Variants in ZNF469 observed in about 807,000 individuals in gnomAD.
ZNF469 encodes zinc finger protein 469.
Under a neutral mutation model 1.0 loss-of-function variants are expected in ZNF469, and 1 was observed. The observed-to-expected ratio is 1.00, with a 90% confidence interval of 0.35 to 4.73. The LOEUF is 4.73. Among genes scored for constraint, ZNF469 ranks in the 30% most tolerant of loss-of-function variants. The pLI is 0.16. For missense variants in ZNF469, 6,100 were observed against 5,356.3 expected (o/e 1.14, Z -4.33); for synonymous variants, 2,703 against 2,363.4 (o/e 1.14, Z -4.17).
chr16:88,430,139 G>A lies in ZNF469; in HGVS notation c.2669G>A (p.Gly890Glu), dbSNP rs779602484. ...GGACACCCCCTTAAGAGCAAGGCGG[G>A]GGTGACTCCAGAGAGCAAAGCTCCG... ...SSGHPLKSKAGVTPESKAPPP... is the reference protein window; with the variant it reads ...SSGHPLKSKAEVTPESKAPPP... Residue 890 changes from glycine (G) to glutamate (E), a missense_variant, in exon 3 of 3, where the codon GGG (glycine) becomes GAG (glutamate). By Grantham distance (98) the Gly-to-Glu change is moderately conservative. Coordinates refer to ENST00000565624, the MANE Select transcript of ZNF469 (RefSeq NM_001367624.2). 1.2e-5 allele frequency: 19 copies of A among 1,550,134 alleles called. No individual in the cohort carries two copies. The highest frequency in any genetic ancestry group is 1.7e-5 in the Non-Finnish European group (19 of 1,146,882).
the ZNF469 span, among the ~76,000 whole-genome samples, chr16:88,111,187 G>A: frequency 3.3e-5 from 5 of 152,238 alleles, no homozygotes; most frequent in African/African-American, 1.2e-4. Context: ...AGGCCAGCGT[G>A]AGGAAGGCCT....
At chr16:88,408,747 G>A (rs1017754007) in intron 1 of ZNF469, among the ~76,000 whole-genome samples, 1 of 151,700 alleles carries the variant, frequency 6.6e-6, no homozygotes, top group African/African-American at 2.4e-5. Context: ...CCTGGCCCCC[G>A]TCCCTGCAGA....
chr16:88,280,225 C>G, the ZNF469 span, among the ~76,000 whole-genome samples: 1 of 151,558 alleles, frequency 6.6e-6, no homozygotes, highest in Non-Finnish European at 1.5e-5. Flanking sequence ...ACGGTTAGTA[C>G]TGCACCACCC....
chr16:88,366,144 C>A, the ZNF469 span, among the ~76,000 whole-genome samples: 1 of 149,942 alleles, frequency 6.7e-6, no homozygotes, highest in African/African-American at 2.5e-5. Flanking sequence ...TCATCACCAT[C>A]ATCACCATCA....
the ZNF469 span, among the ~76,000 whole-genome samples, chr16:88,240,149 C>G: frequency 6.6e-6 from 1 of 151,844 alleles, no homozygotes; most frequent in African/African-American, 2.4e-5. Context: ...ATTCTCAAAG[C>G]CTGCTCTGTC....
intron 1 of ZNF469, among the ~76,000 whole-genome samples, chr16:88,394,123 G>C (rs371578852): frequency 2.2e-5 from 2 of 91,492 alleles, no homozygotes; most frequent in African/African-American, 6.8e-5. Flanking sequence ...TGAGAGGAGC[G>C]GGGTTTGACA....
At chr16:88,350,797 C>G in the ZNF469 span, among the ~76,000 whole-genome samples, 1 of 152,174 alleles carries the variant, frequency 6.6e-6, no homozygotes, top group Non-Finnish European at 1.5e-5. Context: ...GGCAGAGGAC[C>G]CTGAGCCCAG....
intron 1 of ZNF469, among the ~76,000 whole-genome samples, chr16:88,423,053 A>C (rs1445323499): frequency 1.3e-5 from 2 of 148,934 alleles, no homozygotes; most frequent in Non-Finnish European, 3.0e-5. Context: ...GGGTGGATGG[A>C]TGGGTAGATG....
chr16:88,298,302 C>T, the ZNF469 span, among the ~76,000 whole-genome samples: 2 of 152,136 alleles, frequency 1.3e-5, no homozygotes, highest in East Asian at 1.9e-4. Flanking sequence ...GAACATGCCT[C>T]GAGCGTGTTT....
At chr16:88,355,638 G>T in the ZNF469 span, among the ~76,000 whole-genome samples, 1 of 152,356 alleles carries the variant, frequency 6.6e-6, no homozygotes, top group East Asian at 1.9e-4. Context: ...TGCTCTGTGA[G>T]TGGACAGGTG....
the ZNF469 span, among the ~76,000 whole-genome samples, chr16:88,358,243 C>G: frequency 2.0e-5 from 3 of 152,210 alleles, no homozygotes; most frequent in Admixed American, 2.0e-4. Flanking sequence ...ACCCCCAGCG[C>G]CCAGGGGCTC....
the ZNF469 span, among the ~76,000 whole-genome samples, chr16:88,171,919 C>T: frequency 6.6e-6 from 1 of 152,126 alleles, no homozygotes; most frequent in Non-Finnish European, 1.5e-5. Context: ...GGGGATTTAC[C>T]CTCCTGCTGC....
chr16:88,127,389 C>T, the ZNF469 span, among the ~76,000 whole-genome samples: 3 of 152,228 alleles, frequency 2.0e-5, no homozygotes, highest in Non-Finnish European at 4.4e-5. Context: ...AGAATATTAT[C>T]GCCTTGATTT....
At position 88,431,440 on chromosome 16, in the gene ZNF469, C is replaced by T; in HGVS notation, c.3970C>T (p.Pro1324Ser). 6.5e-7 allele frequency: 1 copy of T among 1,550,368 alleles called. No homozygotes were observed. Among genetic ancestry groups the T allele is most frequent in the Non-Finnish European group, 8.7e-7 (1 of 1,146,978 alleles). Residue 1324 changes from proline (P) to serine (S), a missense_variant, in exon 3 of 3, where the codon CCT (proline) becomes TCT (serine). Pro to Ser is a moderately conservative substitution (Grantham distance 74, BLOSUM62 -1). Coordinates refer to ENST00000565624, the MANE Select transcript of ZNF469 (RefSeq NM_001367624.2). ...HNSKDPPARQ[P>S]GEFLAPVANP... ...CAGCAAGGACCCCCCTGCCCGCCAG[C>T]CTGGAGAATTTCTGGCACCCGTGGC...
chr16:88,191,866 G>A, the ZNF469 span: 2 of 151,946 alleles, frequency 1.3e-5, no homozygotes, highest in African/African-American at 4.9e-5. Context: ...ACTCTGGCTG[G>A]GATGGGGACC....
upstream of ZNF469, among the ~76,000 whole-genome samples, chr16:88,378,867 G>C (rs550850786): frequency 3.3e-5 from 5 of 152,292 alleles, no homozygotes; most frequent in East Asian, 9.7e-4. Flanking sequence ...GCCACATCTC[G>C]GCCACAGGTC....
At chr16:88,181,233 G>T in the ZNF469 span, among the ~76,000 whole-genome samples, 1 of 152,168 alleles carries the variant, frequency 6.6e-6, no homozygotes, top group Admixed American at 6.5e-5. Context: ...ACCACGCCTG[G>T]CTAATTTTTT....
At chr16:88,396,673 C>G (rs951111153) in intron 1 of ZNF469, among the ~76,000 whole-genome samples, 6 of 149,356 alleles carry the variant, frequency 4.0e-5, no homozygotes, top group African/African-American at 1.2e-4. Context: ...TGAAGGGAGG[C>G]CGGGAGGAGA....
chr16:88,126,844 G>C, the ZNF469 span, among the ~76,000 whole-genome samples: 3 of 149,036 alleles, frequency 2.0e-5, no homozygotes, highest in South Asian at 6.4e-4. Flanking sequence ...GGTAGAGATG[G>C]GGTTTTGCCA....
Sources: gnomAD v4.1 joint callset for allele counts (sites outside exome capture counted in the v4.1 genomes callset) on GRCh38, gnomAD v4.1.1 for gene constraint, MANE v1.5 for transcripts, NCBI Gene and HGNC (gene_info 2026-07-23, HGNC 2026-07-21) for gene names.